The following SBNO2 variants were observed in gnomAD, a reference collection of about 807,000 sequenced individuals.
The protein encoded by SBNO2 is protein strawberry notch homolog 2.
In SBNO2, 89 loss-of-function variants were observed where a neutral mutation model predicts 146.3. The ratio of observed to expected loss-of-function variants is 0.61; its 90% confidence interval spans 0.51 to 0.73. The LOEUF (loss-of-function observed/expected upper bound fraction) is 0.73, where lower values mean the gene tolerates loss of function less well. Ranked by LOEUF, SBNO2 falls within the 30% of genes least tolerant of loss-of-function variation. SBNO2 has a pLI of 0.00. For missense variants in SBNO2, 2,092 were observed against 2,003.7 expected, an observed-to-expected ratio of 1.04 and a Z score of -0.84; for synonymous variants, 1,147 against 892.6, an observed-to-expected ratio of 1.29 and a Z score of -5.08.
rs768932115 is a variant in SBNO2, at chr19:1,112,323, G to C, written c.2516-22C>G. On this transcript the variant is annotated intron_variant, in intron 21 of 31. Coordinates refer to ENST00000361757, the MANE Select transcript of SBNO2 (RefSeq NM_014963.3). This position sits in a 1 kb window ranked among gnomAD's most constrained non-coding sequence, Gnocchi z 5.9. Reference sequence around the variant, plus strand: ...CGGCCTGGGGGCAGAGCTGCTCTCAGGGCCCGGCCAGGCGGGGGCGGGGCC... The same window carrying C: ...CGGCCTGGGGGCAGAGCTGCTCTCACGGCCCGGCCAGGCGGGGGCGGGGCC... 3 of 1,574,416 alleles carry C rather than the reference G, an allele frequency of 1.9e-6. No individual in the cohort carries two copies. The highest frequency in any genetic ancestry group is 2.3e-5 in the East Asian group (1 of 42,988).
intron 5 of SBNO2, among the ~76,000 whole-genome samples, chr19:1,124,481 G>T (rs2079942501): frequency 6.6e-6 from 1 of 151,800 alleles, no homozygotes. Context: ...TGTCGAGGGG[G>T]AAGAGGAGAC....
Position 1,154,218 on chromosome 19 carries a change from G to C in SBNO2, c.59C>G (p.Ala20Gly). Residue 20 changes from alanine to glycine, a missense_variant, in exon 2 of 32, where the codon GCG becomes GGG. Ala to Gly is a moderately conservative substitution (Grantham distance 60). Transcript: ENST00000361757. Reference protein sequence around the residue: ...RDYPQHEPPPAGSLLYSPPPL... With the variant: ...RDYPQHEPPPGGSLLYSPPPL... ...CGGCGGGCTGTACAGGAGGCTGCCC[G>C]CCGGCGGGGGTTCATGCTGCGGGTA... The C allele has an allele frequency of 7.9e-7, 1 of 1,258,318 alleles. No individual in the cohort carries two copies. The highest frequency in any genetic ancestry group is 3.0e-5 in the East Asian group (1 of 33,170). The allele number at this position is 1,258,318 out of a possible 1,614,324, so 77.9% of individuals were successfully genotyped here.
chr19:1,108,376 C>A lies in SBNO2; in HGVS notation c.3945G>T (p.Val1315=). 3 of 1,291,682 alleles carry A rather than the reference C, an allele frequency of 2.3e-6. No individual in the cohort carries two copies. The highest frequency in any genetic ancestry group is 2.0e-6 in the Non-Finnish European group (2 of 1,014,004). The allele number at this position is 1,291,682 out of a possible 1,614,324, so 80.0% of individuals were successfully genotyped here. A position where few individuals can be genotyped will look rare whatever the true frequency, so the allele number is the denominator to read the frequency against. Reference sequence around the variant, plus strand: ...GCAGCGAGCGCAGCATGTCCTCCAGCACCTCCTTGAAGTTGATGTCGCAGC... The same window carrying A: ...GCAGCGAGCGCAGCATGTCCTCCAGAACCTCCTTGAAGTTGATGTCGCAGC... ...HQGCDINFKE[V]LEDMLRSLHA... is the part of the protein sequence containing the mutation. The change falls in exon 32 of 32, where the codon GTG becomes GTT. Residue 1315 remains valine, a synonymous_variant. Transcript: ENST00000361757.
At chr19:1,132,346 C>G in intron 4 of SBNO2, 2 of 1,248,240 alleles carry the variant, frequency 1.6e-6, no homozygotes, top group Non-Finnish European at 2.0e-6. Context: ...ATGCCGGCCC[C>G]GTAAGTCAGG....
intron 17 of SBNO2, 135 bp downstream of exon 17, chr19:1,115,886 C>A (rs2079825283): frequency 1.3e-6 from 1 of 755,606 alleles, no homozygotes; most frequent in Admixed American, 2.0e-5. Flanking sequence ...GAGCCTTGAG[C>A]CTGCCTGGCA....
intron 16 of SBNO2, among the ~76,000 whole-genome samples, 162 bp from the exon 17 acceptor site, chr19:1,116,265 G>A (rs963039121): frequency 1.8e-4 from 27 of 152,076 alleles, no homozygotes; most frequent in Admixed American, 1.2e-3. Context: ...AGGACTGGGG[G>A]CTGCCTGTGA....
At chr19:1,152,458 AG>A (rs1237780285) in intron 2 of SBNO2, among the ~76,000 whole-genome samples, 1 of 151,986 alleles carries the variant, frequency 6.6e-6, no homozygotes, top group African/African-American at 2.4e-5. Context: ...CGGGGGATGG[AG>A]CTGTTCCGGT....
chr19:1,133,698 C>G (rs977939357), intron 4 of SBNO2, among the ~76,000 whole-genome samples: 2 of 151,828 alleles, frequency 1.3e-5, no homozygotes, highest in Admixed American at 6.6e-5. Context: ...GCCGCTCAAT[C>G]CGGCAGCCAA....
chr19:1,120,454 C>A (rs2079887708), intron 11 of SBNO2, among the ~76,000 whole-genome samples: 1 of 152,094 alleles, frequency 6.6e-6, no homozygotes, highest in African/African-American at 2.4e-5. Flanking sequence ...GCAACCTCTG[C>A]CTCTCAGATT....
Position 1,117,479 on chromosome 19 carries a change from C to T in SBNO2, c.1548G>A (p.Val516=). 1 of 1,586,116 alleles carries T rather than the reference C, an allele frequency of 6.3e-7. No homozygotes were observed. Among genetic ancestry groups the T allele is most frequent in the Non-Finnish European group, 8.6e-7 (1 of 1,167,842 alleles). Residue 516 remains valine (V), a synonymous_variant, in exon 15 of 32, where the codon GTG becomes GTA. Transcript: ENST00000361757. The part of the protein sequence containing the change: ...AALLWAEALN[V]FQQAADWIGL... Reference sequence around the variant, plus strand: ...CGATCCAGTCGGCCGCCTGCTGGAACACGTTCAGGGCCTCGGCCCACTGCA... The same window carrying T: ...CGATCCAGTCGGCCGCCTGCTGGAATACGTTCAGGGCCTCGGCCCACTGCA...
chr19:1,120,344 G>A (rs1291249713), intron 11 of SBNO2, among the ~76,000 whole-genome samples: 1 of 152,208 alleles, frequency 6.6e-6, no homozygotes, highest in Non-Finnish European at 1.5e-5. Context: ...GCCATCGGAG[G>A]AGGATACCTG....
chr19:1,170,397 G>A (rs2080466198), intron 1 of SBNO2, among the ~76,000 whole-genome samples: 1 of 152,160 alleles, frequency 6.6e-6, no homozygotes, highest in Admixed American at 6.5e-5. Context: ...GGGGGTTGGG[G>A]GCGAGAGTGC....
At chr19:1,128,156 A>T in intron 4 of SBNO2, 1 of 474,030 alleles carries the variant, frequency 2.1e-6, no homozygotes, top group South Asian at 1.5e-5. Flanking sequence ...AAAAAAATAA[A>T]CAAGCAATGG....
Position 1,150,155 on chromosome 19 carries a change from C to T in SBNO2, c.94-713G>A, listed in dbSNP as rs112049753. Among the ~76,000 whole-genome samples the T allele has an allele frequency of 0.022, 3,347 of 152,214 alleles. 125 individuals carry two copies. Among genetic ancestry groups the T allele is most frequent in the African/African-American group, 0.077 (3,180 of 41,500 alleles). ...CCAGGCCAGGCTTACCCAACACCCT[C>T]GCCAGGAGCCGATGTCCCCACCCCA... On this transcript the variant is annotated intron_variant, in intron 2 of 31. Transcript: ENST00000361757. This position sits in a 1 kb window ranked among gnomAD's most constrained non-coding sequence, Gnocchi z 6.2.
intron 11 of SBNO2, 142 bp from the exon 12 acceptor site, chr19:1,120,165 G>A (rs925941990): frequency 3.2e-5 from 21 of 664,916 alleles, no homozygotes; most frequent in East Asian, 1.1e-4. Flanking sequence ...AGCCCAGGTC[G>A]GAGTGGCAGC....
rs201399381 is a variant in SBNO2 at position 1,124,058 on chromosome 19, G to A, written c.442-36C>T. 79 of 1,591,886 alleles carry A rather than the reference G, an allele frequency of 5.0e-5. No homozygotes were observed. In the East Asian group the frequency reaches 8.1e-4, roughly 16 times the overall value. On this transcript the variant is annotated intron_variant, in intron 5 of 31. Coordinates refer to ENST00000361757, the MANE Select transcript of SBNO2 (RefSeq NM_014963.3). Reference sequence around the variant, plus strand: ...AGCAGGATGTCAGCCCGGGCCAGACGGGACAGGTCACAGCTGGTGGGCCCT... The same window carrying A: ...AGCAGGATGTCAGCCCGGGCCAGACAGGACAGGTCACAGCTGGTGGGCCCT...
chr19:1,124,310 G>A (rs1158648672), intron 5 of SBNO2, among the ~76,000 whole-genome samples: 2 of 152,232 alleles, frequency 1.3e-5, no homozygotes, highest in East Asian at 3.8e-4. Flanking sequence ...TGCCCGGGAG[G>A]AAGGTGCCCG....
chr19:1,117,000 T>G (rs773275906), intron 15 of SBNO2, 74 bp from the exon 16 acceptor site: 114 of 1,375,336 alleles, frequency 8.3e-5, no homozygotes, highest in Admixed American at 3.5e-4. Context: ...CTGCCAGGCC[T>G]GGGGTGATGG....
intron 4 of SBNO2, among the ~76,000 whole-genome samples, chr19:1,138,343 G>A (rs967074808): frequency 6.6e-6 from 1 of 151,722 alleles, no homozygotes; most frequent in Non-Finnish European, 1.5e-5. Context: ...GGGGACCCAC[G>A]GGAGGCTCTG....
Sources: gnomAD v4.1 joint callset for allele counts (sites outside exome capture counted in the v4.1 genomes callset) on GRCh38, gnomAD v4.1.1 for gene constraint, Gnocchi (gnomAD v3.1) non-coding constraint, MANE v1.5 for transcripts, NCBI Gene and HGNC (gene_info 2026-07-23, HGNC 2026-07-21) for gene names.